The following TMEM117 variants were observed in gnomAD, a reference collection of about 807,000 sequenced individuals.
The protein encoded by TMEM117 is transmembrane protein 117.
In TMEM117, 27 loss-of-function variants were observed where a neutral mutation model predicts 52.4. The observed-to-expected ratio is 0.51, with a 90% CI of 0.38 to 0.71. TMEM117 has a LOEUF of 0.71. Ranked by LOEUF, TMEM117 falls within the 30% of genes least tolerant of loss-of-function variation. TMEM117 has a pLI of 0.00. For missense variants in TMEM117, 556 were observed against 630.5 expected, an observed-to-expected ratio of 0.88 and a Z score of 1.26; for synonymous variants, 215 against 206.3, an observed-to-expected ratio of 1.04 and a Z score of -0.36.
At chr12:44,364,096 C>T (rs1052694183) in intron 6 of TMEM117, among the ~76,000 whole-genome samples, 4 of 152,060 alleles carry the variant, frequency 2.6e-5, no homozygotes, top group Non-Finnish European at 2.9e-5. Flanking sequence ...TTGCAGATAT[C>T]CATAAAGCAA....
At chr12:43,933,043 G>T (rs1329976713) in intron 2 of TMEM117, among the ~76,000 whole-genome samples, 1 of 152,124 alleles carries the variant, frequency 6.6e-6, no homozygotes, top group South Asian at 2.1e-4. Flanking sequence ...GCCTTCAGGG[G>T]ACTATTCTTG....
chr12:43,916,786 T>C (rs962254066), intron 2 of TMEM117, among the ~76,000 whole-genome samples: 4 of 152,150 alleles, frequency 2.6e-5, no homozygotes, highest in African/African-American at 9.7e-5. Context: ...ATCCTAGGAA[T>C]TGAAAGGGCT....
chr12:44,356,450 A>G (rs1351927709), intron 6 of TMEM117, among the ~76,000 whole-genome samples: 1 of 152,146 alleles, frequency 6.6e-6, no homozygotes, highest in Non-Finnish European at 1.5e-5. Flanking sequence ...TAGGTATTCA[A>G]CTGAGTTCCT....
Position 43,938,762 on chromosome 12 carries a change from G to T in TMEM117, c.278-5448G>T, listed in dbSNP as rs957518573. 2.0e-5 allele frequency among the ~76,000 whole-genome samples: 3 copies of T among 152,176 alleles called. 1 individual carries two copies. Among genetic ancestry groups the T allele is most frequent in the South Asian group, 4.1e-4 (2 of 4,836 alleles). ...TGCCTGTAATCCCAGCACTTTGGAA[G>T]GCCAAGGTGGATGGATAGCTGAGGT... On this transcript the variant is annotated intron_variant, in intron 2 of 7. Transcript: ENST00000266534.
intron 5 of TMEM117, among the ~76,000 whole-genome samples, chr12:44,278,891 C>T (rs1950546126): frequency 6.6e-6 from 1 of 152,130 alleles, no homozygotes; most frequent in Non-Finnish European, 1.5e-5. Flanking sequence ...TCACATGATC[C>T]TTTCTCTTGA....
At chr12:44,008,871 T>C in intron 3 of TMEM117, 1 of 427,796 alleles carries the variant, frequency 2.3e-6, no homozygotes, top group Non-Finnish European at 4.6e-6. Flanking sequence ...CTAAAGCATT[T>C]CCCGCACCAT....
intron 4 of TMEM117, among the ~76,000 whole-genome samples, chr12:44,181,461 T>A (rs1410588700): frequency 1.3e-5 from 2 of 150,670 alleles, no homozygotes; most frequent in African/African-American, 2.4e-5. Context: ...TGCCTAGGTT[T>A]TCTTCTAGGG....
At chr12:44,073,059 C>T (rs534577513) in intron 3 of TMEM117, among the ~76,000 whole-genome samples, 63 of 151,814 alleles carry the variant, frequency 4.1e-4, no homozygotes, top group Non-Finnish European at 8.7e-4. Flanking sequence ...TACTGCACTC[C>T]AGCCTGGCGA....
intron 3 of TMEM117, among the ~76,000 whole-genome samples, chr12:44,129,692 G>T (rs1311336940): frequency 6.6e-6 from 1 of 152,136 alleles, no homozygotes; most frequent in East Asian, 1.9e-4. Flanking sequence ...TGTAAAAATG[G>T]TAGCCCTTTC....
At chr12:43,885,419 CT>C (rs370241455) in intron 2 of TMEM117, among the ~76,000 whole-genome samples, 5,459 of 141,062 alleles carry the variant, frequency 0.039, 153 homozygotes, top group Middle Eastern at 0.091. Flanking sequence ...CTTTTCTTTT[CT>C]TTTTTTTTTT....
the TMEM117 span, among the ~76,000 whole-genome samples, chr12:43,828,370 T>C: frequency 5.2e-4 from 79 of 152,330 alleles, no homozygotes; most frequent in African/African-American, 1.9e-3. Flanking sequence ...TCAGCAGCTA[T>C]GATGCAGGAA....
chr12:44,128,875 A>G (rs1948369631), intron 3 of TMEM117, among the ~76,000 whole-genome samples: 1 of 152,204 alleles, frequency 6.6e-6, no homozygotes, highest in Admixed American at 6.5e-5. Context: ...TCTTACCTGC[A>G]TTCATTAGCA....
At chr12:43,795,857 A>C in the TMEM117 span, 13 of 1,174,858 alleles carry the variant, frequency 1.1e-5, no homozygotes, top group Middle Eastern at 5.2e-4. Context: ...CTTTCCAGTA[A>C]GGCAGAATCA....
At chr12:43,833,115 G>A (rs1942992043), upstream of TMEM117, among the ~76,000 whole-genome samples, 2 of 152,140 alleles carry the variant, frequency 1.3e-5, no homozygotes, top group Admixed American at 1.3e-4. Flanking sequence ...AGTGGTCCTA[G>A]AGAACTACAC....
At chr12:44,237,913 G>T (rs140444680) in intron 5 of TMEM117, among the ~76,000 whole-genome samples, 101 of 152,194 alleles carry the variant, frequency 6.6e-4, no homozygotes, top group Middle Eastern at 6.8e-3. Context: ...TGCATGTAGA[G>T]AAATATTATT....
intron 3 of TMEM117, among the ~76,000 whole-genome samples, chr12:44,095,540 T>C (rs2138056666): frequency 6.6e-6 from 1 of 152,166 alleles, no homozygotes; most frequent in East Asian, 1.9e-4. Context: ...ATAGTGAGTG[T>C]GTATTAGTAC....
At chr12:43,838,725 G>GT (rs1943072321) in intron 1 of TMEM117, among the ~76,000 whole-genome samples, 1 of 150,714 alleles carries the variant, frequency 6.6e-6, no homozygotes, top group Non-Finnish European at 1.5e-5. Flanking sequence ...TCACACAATG[G>GT]TAACTAAGAG....
chr12:43,994,337 G>A (rs907491748), intron 3 of TMEM117, among the ~76,000 whole-genome samples: 2 of 152,064 alleles, frequency 1.3e-5, no homozygotes, highest in Non-Finnish European at 2.9e-5. Flanking sequence ...TAAAATATTT[G>A]GTGACTATAG....
chr12:43,892,190 A>G (rs1944118442), intron 2 of TMEM117, among the ~76,000 whole-genome samples: 1 of 152,226 alleles, frequency 6.6e-6, no homozygotes, highest in South Asian at 2.1e-4. Flanking sequence ...CTAAGGGAAA[A>G]GGTGCGTGGG....
Sources: gnomAD v4.1 joint callset for allele counts (sites outside exome capture counted in the v4.1 genomes callset) on GRCh38, gnomAD v4.1.1 for gene constraint, MANE v1.5 for transcripts, NCBI Gene and HGNC (gene_info 2026-07-23, HGNC 2026-07-21) for gene names.